The following SOX5 variants were observed in gnomAD, a reference collection of about 807,000 sequenced individuals.
The protein encoded by SOX5 is transcription factor SOX-5.
Under a neutral mutation model 92.0 loss-of-function variants are expected in SOX5, and 9 were observed. The observed-to-expected ratio is 0.10, with a 90% CI of 0.06 to 0.17. The LOEUF is 0.17. Ranked by LOEUF, SOX5 falls within the 10% of genes least tolerant of loss-of-function variation. The pLI, the probability that SOX5 is intolerant of heterozygous loss-of-function variation, is 1.00. For synonymous variants in SOX5, 344 were observed against 336.3 expected (o/e 1.02, Z -0.25); for missense variants, 642 against 944.5 (o/e 0.68, Z 4.20).
intron 3 of SOX5, among the ~76,000 whole-genome samples, chr12:23,768,310 A>G (rs1201731319): frequency 6.6e-6 from 1 of 152,122 alleles, no homozygotes; most frequent in African/African-American, 2.4e-5. Context: ...TCTGTGTTCC[A>G]CATGTCAGAA....
chr12:23,880,393 T>C (rs553745315), intron 2 of SOX5, among the ~76,000 whole-genome samples: 1 of 152,316 alleles, frequency 6.6e-6, no homozygotes, highest in Admixed American at 6.5e-5. Flanking sequence ...CCAATAGCAC[T>C]TACTGAGTAA....
intron 2 of SOX5, among the ~76,000 whole-genome samples, chr12:23,852,170 G>A (rs1019211412): frequency 1.1e-4 from 17 of 151,914 alleles, no homozygotes; most frequent in African/African-American, 4.1e-4. Context: ...ACTTAAACAG[G>A]CATCTGCAAC....
At chr12:24,444,402 T>C (rs961334637) in intron 1 of SOX5, among the ~76,000 whole-genome samples, 5 of 152,034 alleles carry the variant, frequency 3.3e-5, no homozygotes, top group African/African-American at 1.2e-4. Context: ...AGAACATGAA[T>C]GTAATGATTC....
At position 24,263,058 on chromosome 12, in the gene SOX5, C is replaced by CA. The variant is rs34237989; in HGVS notation, c.-77+14157dup. On this transcript the variant is annotated intron_variant, in intron 3 of 4. Coordinates refer to the SOX5 transcript ENST00000446891. ...CCAACATGGTGAAACCTTGTCTCTA[C>CA]AAAAAAAAAAGGAAAAAATTAGCCG... is the stretch of plus-strand genomic sequence containing the variant. 1.7e-3 allele frequency among the ~76,000 whole-genome samples: 259 copies of CA among 150,246 alleles called. 2 individuals carry two copies. The highest frequency in any genetic ancestry group is 5.7e-3 in the African/African-American group (232 of 40,660).
intron 2 of SOX5, among the ~76,000 whole-genome samples, chr12:24,342,615 A>G (rs1385716432): frequency 6.6e-6 from 1 of 152,102 alleles, no homozygotes; most frequent in Non-Finnish European, 1.5e-5. Flanking sequence ...TTTCTTACCT[A>G]TCTTCCTTAT....
intron 11 of SOX5, among the ~76,000 whole-genome samples, chr12:23,560,819 G>T (rs976075594): frequency 2.6e-5 from 4 of 152,148 alleles, no homozygotes; most frequent in African/African-American, 7.2e-5. Flanking sequence ...ATTTCAACAG[G>T]AAAAGTCAAC....
Position 23,662,265 on chromosome 12 carries a change from T to C in SOX5, c.931+3179A>G, listed in dbSNP as rs572190407. On this transcript the variant is annotated intron_variant, in intron 7 of 14. Transcript: ENST00000451604. ...CAAGTATTTTTAGGATTTTAATAAG[T>C]AAGGAAAGCAATAACTAGATATGGA... Among the ~76,000 whole-genome samples, 482 of 152,194 alleles carry C rather than the reference T, an allele frequency of 3.2e-3. 3 individuals carry two copies. Among genetic ancestry groups the C allele is most frequent in the African/African-American group, 0.01 (436 of 41,542 alleles).
At chr12:24,142,481 A>G (rs1021913594) in intron 4 of SOX5, among the ~76,000 whole-genome samples, 2 of 151,962 alleles carry the variant, frequency 1.3e-5, no homozygotes, top group Admixed American at 6.6e-5. Flanking sequence ...TTTCTTCTCT[A>G]TAATGCGCAA....
At chr12:24,082,690 G>A (rs1456357509) in intron 4 of SOX5, among the ~76,000 whole-genome samples, 2 of 151,608 alleles carry the variant, frequency 1.3e-5, no homozygotes, top group Non-Finnish European at 2.9e-5. Context: ...AAAAATACCA[G>A]CAAAATGTAG....
chr12:23,621,341 T>C (rs562135117), intron 8 of SOX5, among the ~76,000 whole-genome samples: 1 of 152,198 alleles, frequency 6.6e-6, no homozygotes, highest in African/African-American at 2.4e-5. Flanking sequence ...GAGGTTCTAT[T>C]TTGCATGATG....
In SOX5 at chr12:23,845,969, C is replaced by T. The variant is rs367659179; in HGVS notation, c.481+14G>A. 1 of 1,607,242 alleles carries T rather than the reference C, an allele frequency of 6.2e-7. No homozygotes were observed. Among genetic ancestry groups the T allele is most frequent in the Non-Finnish European group, 8.5e-7 (1 of 1,173,788 alleles). On this transcript the variant is annotated intron_variant, in intron 3 of 14. Transcript: ENST00000451604. ...GGACACAGCATCAACTTTGTTTTCTCTTCCAGCCTTTACCTTCCGGCTCGT... is the reference window on the plus strand; with the variant it reads ...GGACACAGCATCAACTTTGTTTTCTTTTCCAGCCTTTACCTTCCGGCTCGT...
At chr12:23,592,769 T>A (rs767708986) in intron 9 of SOX5, among the ~76,000 whole-genome samples, 3 of 152,242 alleles carry the variant, frequency 2.0e-5, no homozygotes, top group Non-Finnish European at 4.4e-5. Context: ...ATATATTCAA[T>A]TTAAATAAGA....
intron 2 of SOX5, among the ~76,000 whole-genome samples, chr12:23,850,119 G>A (rs575473610): frequency 6.6e-6 from 1 of 152,156 alleles, no homozygotes; most frequent in South Asian, 2.1e-4. Flanking sequence ...TTCCAGCAAC[G>A]GGTTGTGATT....
chr12:23,996,597 A>C (rs1161067270), intron 4 of SOX5, among the ~76,000 whole-genome samples: 2 of 152,244 alleles, frequency 1.3e-5, no homozygotes, highest in Non-Finnish European at 2.9e-5. Flanking sequence ...GAAATGTGGT[A>C]TATATGCACA....
At chr12:23,829,139 C>T (rs1260052842) in intron 3 of SOX5, among the ~76,000 whole-genome samples, 2 of 152,012 alleles carry the variant, frequency 1.3e-5, no homozygotes, top group Non-Finnish European at 1.5e-5. Context: ...ACCAAGCATC[C>T]ACTAGAACCA....
At chr12:23,575,575 G>C in intron 10 of SOX5, 86 bp downstream of exon 10, 1 of 1,263,742 alleles carries the variant, frequency 7.9e-7, no homozygotes, top group South Asian at 1.2e-5. Context: ...GCCGTGTATA[G>C]AGTGGGTGTG....
intron 1 of SOX5, among the ~76,000 whole-genome samples, chr12:24,410,639 G>A (rs1037700624): frequency 1.3e-5 from 2 of 152,024 alleles, no homozygotes; most frequent in South Asian, 2.1e-4. Context: ...TCAATTTCTG[G>A]CTTCTCTGTT....
At chr12:24,395,553 T>C (rs1034153779) in intron 1 of SOX5, among the ~76,000 whole-genome samples, 1 of 152,204 alleles carries the variant, frequency 6.6e-6, no homozygotes, top group Non-Finnish European at 1.5e-5. Flanking sequence ...ATAATTCTAA[T>C]AGGACTAAGT....
At chr12:23,859,406 C>T (rs938253462) in intron 2 of SOX5, among the ~76,000 whole-genome samples, 1 of 152,190 alleles carries the variant, frequency 6.6e-6, no homozygotes, top group Non-Finnish European at 1.5e-5. Context: ...TGGTCTCCTG[C>T]AGTGCCCTTC....
Sources: gnomAD v4.1 joint callset for allele counts (sites outside exome capture counted in the v4.1 genomes callset) on GRCh38, gnomAD v4.1.1 for gene constraint, MANE v1.5 for transcripts, NCBI Gene and HGNC (gene_info 2026-07-23, HGNC 2026-07-21) for gene names.